Variants in NRXN3 observed in about 807,000 individuals in gnomAD.
The protein encoded by NRXN3 is neurexin 3.
A neutral mutation model predicts 137.6 loss-of-function variants in NRXN3; 32 were observed. The ratio of observed to expected loss-of-function variants is 0.23; its 90% CI spans 0.18 to 0.31. The LOEUF is 0.31. Among genes scored for constraint, NRXN3 ranks in the 10% least tolerant of loss-of-function variants. The probability of loss-of-function intolerance (pLI) is 1.00; values close to 1 mark genes in which losing one functional copy is unlikely to be tolerated. For synonymous variants in NRXN3, 798 were observed against 784.5 expected (o/e 1.02, Z -0.29); for missense variants, 1,574 against 2,062.5 (o/e 0.76, Z 4.59).
intron 19 of NRXN3, among the ~76,000 whole-genome samples, chr14:79,733,423 A>G (rs986064843): frequency 9.2e-5 from 14 of 152,192 alleles, no homozygotes; most frequent in Non-Finnish European, 1.3e-4. Flanking sequence ...TTCTTTGGTT[A>G]TCAGGGGTAT....
intron 15 of NRXN3, among the ~76,000 whole-genome samples, chr14:79,010,974 C>G (rs1188429458): frequency 6.6e-6 from 1 of 152,122 alleles, no homozygotes; most frequent in Non-Finnish European, 1.5e-5. Flanking sequence ...AGGGATTAGA[C>G]AAAGTCCAGA....
At chr14:79,333,549 G>A (rs561588591) in intron 15 of NRXN3, among the ~76,000 whole-genome samples, 50 of 152,276 alleles carry the variant, frequency 3.3e-4, no homozygotes, top group Admixed American at 8.5e-4. Context: ...GAGAAGGGCC[G>A]CTGAAGCCTG....
chr14:79,205,294 T>C (rs898134044), intron 15 of NRXN3, among the ~76,000 whole-genome samples: 1 of 152,234 alleles, frequency 6.6e-6, no homozygotes, highest in Non-Finnish European at 1.5e-5. Context: ...GTTAGTTGTA[T>C]TTTTCAATTC....
chr14:79,185,525 G>A (rs1410351186), intron 15 of NRXN3, among the ~76,000 whole-genome samples: 1 of 150,734 alleles, frequency 6.6e-6, no homozygotes, highest in African/African-American at 2.4e-5. Flanking sequence ...GAGTGCAGTG[G>A]CACAATCTTG....
intron 8 of NRXN3, among the ~76,000 whole-genome samples, chr14:78,715,404 G>A (rs1242318495): frequency 6.6e-6 from 1 of 152,142 alleles, no homozygotes; most frequent in Non-Finnish European, 1.5e-5. Context: ...TATTTAGAGA[G>A]GGTAAATAAT....
At chr14:78,709,754 T>G in intron 7 of NRXN3, 99 bp downstream of exon 7, 21 of 1,040,354 alleles carry the variant, frequency 2.0e-5, no homozygotes, top group Non-Finnish European at 2.6e-5. Flanking sequence ...CCTTGCATGC[T>G]TGTTGATTCT....
intron 15 of NRXN3, among the ~76,000 whole-genome samples, chr14:79,176,256 TA>T (rs71454815): frequency 2.2e-3 from 331 of 152,354 alleles, no homozygotes; most frequent in Non-Finnish European, 2.9e-3. Context: ...AATCTGATAA[TA>T]TTTTTTTCCT....
At chr14:79,587,190 A>G (rs1202049318) in intron 16 of NRXN3, among the ~76,000 whole-genome samples, 1 of 152,248 alleles carries the variant, frequency 6.6e-6, no homozygotes, top group Non-Finnish European at 1.5e-5. Flanking sequence ...TGCATATAGA[A>G]TGCTTTAGTT....
chr14:79,713,164 C>CTTTTTTTTTTTTTTTTTTTTTTTTTTTTT (rs574716352), intron 19 of NRXN3, among the ~76,000 whole-genome samples: 1 of 80,890 alleles, frequency 1.2e-5, no homozygotes, highest in Non-Finnish European at 2.2e-5. Context: ...CTGATTTTTA[C>CTTTTTTTTTTTTTTTTTTTTTTTTTTTTT]TTTTTTTTTT....
intron 15 of NRXN3, among the ~76,000 whole-genome samples, chr14:79,349,058 G>A (rs1461322889): frequency 6.6e-6 from 1 of 152,124 alleles, no homozygotes; most frequent in Non-Finnish European, 1.5e-5. Flanking sequence ...ACCTAAATTA[G>A]CATGGATTGC....
chr14:79,615,787 G>T (rs1047565846), intron 16 of NRXN3, among the ~76,000 whole-genome samples: 1 of 152,222 alleles, frequency 6.6e-6, no homozygotes. Flanking sequence ...ACATCCCACT[G>T]GTTCCCTCCT....
At chr14:78,813,326 T>G (rs1474634819) in intron 10 of NRXN3, among the ~76,000 whole-genome samples, 1 of 152,172 alleles carries the variant, frequency 6.6e-6, no homozygotes, top group African/African-American at 2.4e-5. Context: ...TTTCATAGCT[T>G]GACCTGTTAC....
intron 18 of NRXN3, among the ~76,000 whole-genome samples, chr14:79,697,083 A>C (rs1036915756): frequency 1.3e-5 from 2 of 152,002 alleles, no homozygotes; most frequent in Non-Finnish European, 2.9e-5. Flanking sequence ...TTTGGTGACT[A>C]GTAGTTCATT....
At chr14:79,124,640 A>G (rs1038495946) in intron 15 of NRXN3, among the ~76,000 whole-genome samples, 1 of 152,190 alleles carries the variant, frequency 6.6e-6, no homozygotes, top group Non-Finnish European at 1.5e-5. Flanking sequence ...ATAAACACAC[A>G]GTGGGACTTC....
At chr14:79,268,545 A>G (rs1194988761) in intron 15 of NRXN3, among the ~76,000 whole-genome samples, 2 of 152,218 alleles carry the variant, frequency 1.3e-5, no homozygotes, top group African/African-American at 4.8e-5. Flanking sequence ...CCACATGGGC[A>G]AAGTTGGCTC....
chr14:79,083,831 C>G (rs896489024), intron 15 of NRXN3, among the ~76,000 whole-genome samples: 1 of 152,174 alleles, frequency 6.6e-6, no homozygotes. Flanking sequence ...GGGAGAATTA[C>G]AACTATCTGA....
At chr14:78,852,158 C>T (rs117364281) in intron 10 of NRXN3, among the ~76,000 whole-genome samples, 337 of 152,194 alleles carry the variant, frequency 2.2e-3, no homozygotes, top group Middle Eastern at 6.8e-3. Flanking sequence ...AATACTTGAT[C>T]ATCTCACTTC....
At chr14:79,769,402 C>G (rs1038962398) in intron 19 of NRXN3, among the ~76,000 whole-genome samples, 1 of 151,854 alleles carries the variant, frequency 6.6e-6, no homozygotes, top group Non-Finnish European at 1.5e-5. Flanking sequence ...AAAGGGAAGC[C>G]CATCAGACTA....
chr14:79,024,056 G>A (rs897770691), intron 15 of NRXN3, among the ~76,000 whole-genome samples: 1 of 152,050 alleles, frequency 6.6e-6, no homozygotes, highest in African/African-American at 2.4e-5. Flanking sequence ...TAAAGTACAA[G>A]CAAAGTTAAA....
Sources: allele counts gnomAD v4.1 joint callset (sites outside exome capture counted in the v4.1 genomes callset), GRCh38; gene constraint gnomAD v4.1.1; transcripts MANE v1.5; gene names NCBI Gene and HGNC (gene_info 2026-07-23, HGNC 2026-07-21).